Variants in MARCHF1 observed in about 807,000 individuals in gnomAD.
The protein encoded by MARCHF1 is membrane associated ring-CH-type finger 1.
MARCHF1 carries 40 observed loss-of-function variants against 54.2 expected under a neutral mutation model. The observed-to-expected ratio is 0.74, with a 90% confidence interval of 0.57 to 0.96. MARCHF1 has a LOEUF of 0.96. MARCHF1 is among the 40% of genes least tolerant of loss of function. The pLI, the probability that MARCHF1 is intolerant of heterozygous loss-of-function variation, is 0.00. For synonymous variants in MARCHF1, 236 were observed against 236.3 expected (o/e 1.00, Z 0.01); for missense variants, 586 against 656.5 (o/e 0.89, Z 1.17).
chr4:164,172,365 T>G (rs537300668), intron 1 of MARCHF1, among the ~76,000 whole-genome samples: 1 of 152,326 alleles, frequency 6.6e-6, no homozygotes, highest in South Asian at 2.1e-4. Context: ...ATTAACTGAA[T>G]TTACTTATCT....
At chr4:164,128,636 T>C (rs1359468009) in intron 1 of MARCHF1, among the ~76,000 whole-genome samples, 1 of 152,208 alleles carries the variant, frequency 6.6e-6, no homozygotes, top group African/African-American at 2.4e-5. Context: ...GCAAGTTTTA[T>C]GTTGTAAGGA....
intron 3 of MARCHF1, among the ~76,000 whole-genome samples, chr4:163,935,475 T>C (rs1201788766): frequency 2.0e-5 from 3 of 152,222 alleles, no homozygotes; most frequent in Non-Finnish European, 2.9e-5. Context: ...CCTTGCTCTT[T>C]ATGTTATGGA....
chr4:164,232,705 C>T (rs563093473), intron 1 of MARCHF1, among the ~76,000 whole-genome samples: 5 of 152,154 alleles, frequency 3.3e-5, no homozygotes, highest in African/African-American at 1.2e-4. Context: ...ATCAAAAATG[C>T]TTTATGTTAT....
intron 5 of MARCHF1, among the ~76,000 whole-genome samples, chr4:163,641,735 T>A (rs1034618529): frequency 3.3e-5 from 5 of 152,208 alleles, no homozygotes; most frequent in Non-Finnish European, 5.9e-5. Flanking sequence ...CTAGTCTTCT[T>A]CTCTTTGATT....
At chr4:164,101,261 A>G (rs1234788508) in intron 2 of MARCHF1, among the ~76,000 whole-genome samples, 6 of 152,082 alleles carry the variant, frequency 3.9e-5, no homozygotes, top group Non-Finnish European at 8.8e-5. Flanking sequence ...GGATCCCACC[A>G]CAGCTCAAGG....
chr4:164,243,882 G>C (rs902765633), intron 1 of MARCHF1, among the ~76,000 whole-genome samples: 5 of 151,816 alleles, frequency 3.3e-5, no homozygotes, highest in Admixed American at 2.6e-4. Flanking sequence ...TAATGGTAAA[G>C]GGATCAATTC....
At position 163,975,190 on chromosome 4, in the gene MARCHF1, TCTCTCTCACACACACACACA is replaced by T. The variant is rs747874551; in HGVS notation, c.-39+13291_-39+13310del. Among the ~76,000 whole-genome samples the T allele has an allele frequency of 6.6e-4, 80 of 120,510 alleles. 1 individual carries two copies. The highest frequency in any genetic ancestry group is 4.1e-3 in the Middle Eastern group (1 of 244). The allele number at this position is 120,510 out of a possible 152,430, so 79.1% of individuals were successfully genotyped here. A position where few individuals can be genotyped will look rare whatever the true frequency, so the allele number is the denominator to read the frequency against. On this transcript the variant is annotated intron_variant, in intron 3 of 9. Coordinates refer to ENST00000514618, the MANE Select transcript of MARCHF1 (RefSeq NM_001394959.1). The stretch of plus-strand genomic sequence containing the variant: ...CTCTCTCTCTCTCTCTCTCTCTCTC[TCTCTCTCACACACACACACA>T]CACACACACACACACACACTTCCTA...
chr4:164,351,112 A>G (rs1015408669), intron 1 of MARCHF1, among the ~76,000 whole-genome samples: 9 of 152,202 alleles, frequency 5.9e-5, no homozygotes, highest in South Asian at 4.2e-4. Context: ...GGAGGGTCCT[A>G]CCCCACGGAA....
intron 9 of MARCHF1, among the ~76,000 whole-genome samples, chr4:163,532,211 A>C (rs1375796218): frequency 6.6e-6 from 1 of 151,914 alleles, no homozygotes; most frequent in Admixed American, 6.6e-5. Context: ...ACGGTGATCA[A>C]GACAGTGTGG....
At chr4:163,810,559 C>T (rs573579689) in intron 4 of MARCHF1, among the ~76,000 whole-genome samples, 1 of 152,296 alleles carries the variant, frequency 6.6e-6, no homozygotes, top group African/African-American at 2.4e-5. Flanking sequence ...AATTCTTCCA[C>T]ACTTCATTCA....
At chr4:164,300,625 G>A (rs543030851) in intron 1 of MARCHF1, among the ~76,000 whole-genome samples, 29 of 152,126 alleles carry the variant, frequency 1.9e-4, no homozygotes, top group African/African-American at 6.5e-4. Flanking sequence ...CACTGAAGCC[G>A]TGACCTCCTG....
rs560253345 is a variant in MARCHF1, at chr4:163,963,754, A to G, written c.-39+24747T>C. Among the ~76,000 whole-genome samples, 4 of 152,084 alleles carry G rather than the reference A, an allele frequency of 2.6e-5. No individual in the cohort carries two copies. In the East Asian group the frequency reaches 7.7e-4, roughly 29 times the overall value. ...TGAAGCAACCTCTATCATGCAATGAAGCACCTACCCTAAGACTATTATCCT... is the reference window on the plus strand; with the variant it reads ...TGAAGCAACCTCTATCATGCAATGAGGCACCTACCCTAAGACTATTATCCT... On this transcript the variant is annotated intron_variant, in intron 3 of 9. Transcript: ENST00000514618.
chr4:164,084,600 T>C (rs2111119775), intron 2 of MARCHF1, among the ~76,000 whole-genome samples: 1 of 152,032 alleles, frequency 6.6e-6, no homozygotes, highest in Admixed American at 6.5e-5. Flanking sequence ...TACCATTTTA[T>C]ATAAATTCTA....
chr4:164,182,628 A>G (rs968009499), intron 1 of MARCHF1, among the ~76,000 whole-genome samples: 1 of 151,986 alleles, frequency 6.6e-6, no homozygotes, highest in East Asian at 1.9e-4. Flanking sequence ...TATGTGCAAG[A>G]AAAACCAGTT....
chr4:163,774,160 T>C (rs1747239101), intron 4 of MARCHF1, among the ~76,000 whole-genome samples: 1 of 152,210 alleles, frequency 6.6e-6, no homozygotes, highest in East Asian at 1.9e-4. Flanking sequence ...TATCCTCTTA[T>C]ATATTTAAAT....
At chr4:164,350,833 G>T (rs899993779) in intron 1 of MARCHF1, among the ~76,000 whole-genome samples, 2 of 151,840 alleles carry the variant, frequency 1.3e-5, no homozygotes, top group Non-Finnish European at 2.9e-5. Context: ...GGTGATTTCT[G>T]CATTTCCATC....
At chr4:163,778,820 G>C (rs1273836078) in intron 4 of MARCHF1, among the ~76,000 whole-genome samples, 2 of 152,090 alleles carry the variant, frequency 1.3e-5, no homozygotes, top group Admixed American at 1.3e-4. Context: ...ATGATGTAGA[G>C]TGTGGAGTAA....
intron 2 of MARCHF1, among the ~76,000 whole-genome samples, chr4:164,065,143 A>G (rs1754700274): frequency 6.6e-6 from 1 of 152,142 alleles, no homozygotes; most frequent in South Asian, 2.1e-4. Context: ...TGGTTTTGGT[A>G]TCAGGATGAT....
At chr4:163,760,521 A>G (rs1247058310) in intron 4 of MARCHF1, among the ~76,000 whole-genome samples, 1 of 152,092 alleles carries the variant, frequency 6.6e-6, no homozygotes, top group Non-Finnish European at 1.5e-5. Context: ...AAGTAATTGA[A>G]AGAGTTTTCC....
Sources: gnomAD v4.1 joint callset for allele counts (sites outside exome capture counted in the v4.1 genomes callset) on GRCh38, gnomAD v4.1.1 for gene constraint, MANE v1.5 for transcripts, NCBI Gene and HGNC (gene_info 2026-07-23, HGNC 2026-07-21) for gene names.